NFAT5: variants seen among roughly 807,000 people sequenced by gnomAD.
NFAT5 encodes nuclear factor of activated T-cells 5.
Under a neutral mutation model 166.5 loss-of-function variants are expected in NFAT5, and 31 were observed. The ratio of observed to expected loss-of-function variants is 0.19; its 90% CI spans 0.14 to 0.25. The LOEUF (loss-of-function observed/expected upper bound fraction) is 0.25, where lower values mean the gene tolerates loss of function less well. Among genes scored for constraint, NFAT5 ranks in the 10% least tolerant of loss-of-function variants. The pLI is 1.00. For synonymous variants in NFAT5, 612 were observed against 639.7 expected, an observed-to-expected ratio of 0.96 and a Z score of 0.65; for missense variants, 1,449 against 1,821.8, an observed-to-expected ratio of 0.80 and a Z score of 3.72.
intron 10 of NFAT5, among the ~76,000 whole-genome samples, chr16:69,680,088 A>G (rs2036995162): frequency 6.6e-6 from 1 of 152,240 alleles, no homozygotes; most frequent in African/African-American, 2.4e-5. Context: ...AGTGTACTCC[A>G]GCCTGGGCGA....
In NFAT5 at chr16:69,670,270, T is replaced by C. The variant is rs745964993; in HGVS notation, c.1539T>C (p.Asp513=). Residue 513 remains aspartate (D), a synonymous_variant, in exon 9 of 15, where the codon GAT becomes GAC. Coordinates refer to ENST00000349945, the MANE Select transcript of NFAT5 (RefSeq NM_138713.4). ...ENSWKSEAEI[D]MELFHQNHLI... ...CTTGGAAGTCAGAAGCTGAAATTGATATGGAACTATTTCATCAGGTAAAAT... is the reference window on the plus strand; with the variant it reads ...CTTGGAAGTCAGAAGCTGAAATTGACATGGAACTATTTCATCAGGTAAAAT... 6.3e-7 allele frequency: 1 copy of C among 1,584,704 alleles called. No individual in the cohort carries two copies. Among genetic ancestry groups the C allele is most frequent in the Non-Finnish European group, 8.6e-7 (1 of 1,164,838 alleles).
rs987714446 is a variant in NFAT5 at position 69,702,598 on chromosome 16, A to T, written c.*6247A>T. ...ACCTGGGAACTAGTTAGAAATGTAAATTCTTTGGCCCCATCCCAGACATAC... is the reference window on the plus strand; with the variant it reads ...ACCTGGGAACTAGTTAGAAATGTAATTTCTTTGGCCCCATCCCAGACATAC... On this transcript the variant is annotated 3_prime_UTR_variant, in exon 15 of 15. Transcript: ENST00000349945. 1 of 152,270 alleles carries T rather than the reference A, an allele frequency of 6.6e-6. No homozygotes were observed. Among genetic ancestry groups the T allele is most frequent in the African/African-American group, 2.4e-5 (1 of 41,416 alleles). The allele number at this position is 152,270 out of a possible 1,614,324, so 9.4% of individuals were successfully genotyped here. A position where few individuals can be genotyped will look rare whatever the true frequency, so the allele number is the denominator to read the frequency against.
At position 69,695,965 on chromosome 16, in the gene NFAT5, T is replaced by C. The variant is rs1187348046; in HGVS notation, c.*9-395T>C. Among the ~76,000 whole-genome samples, 3 of 152,226 alleles carry C rather than the reference T, an allele frequency of 2.0e-5. No individual in the cohort carries two copies. In the South Asian group the frequency reaches 6.2e-4, roughly 32 times the overall value. On this transcript the variant is annotated intron_variant, in intron 14 of 14. Coordinates refer to ENST00000349945, the MANE Select transcript of NFAT5 (RefSeq NM_138713.4). ...GAAGTGAATTTCATGTTTGGACTTG[T>C]GTCTTATCCCCAAGATATCTCATTG...
At position 69,691,946 on chromosome 16, in the gene NFAT5, T is replaced by C. The variant is rs140247329; in HGVS notation, c.2121T>C (p.Phe707=). ...AGGACATCTCACAGCCTGGTACTTT[T>C]CCAGCAGTTTCTGCTTCTAGTCAGC... The part of the protein sequence containing the change: ...QTQDISQPGT[F]PAVSASSQLP... Residue 707 remains phenylalanine (F), a synonymous_variant, in exon 13 of 15, where the codon TTT becomes TTC. Transcript: ENST00000349945. 5.9e-4 allele frequency: 955 copies of C among 1,614,154 alleles called. No individual in the cohort carries two copies. The highest frequency in any genetic ancestry group is 5.7e-4 in the Non-Finnish European group (671 of 1,180,014).
Position 69,702,218 on chromosome 16 carries a change from T to C in NFAT5, c.*5867T>C, listed in dbSNP as rs2037909749. ...ATGCTGTATAGTGATGATTCCTTCC[T>C]AATGAATTCATCTTAACTATTTAGA... On this transcript the variant is annotated 3_prime_UTR_variant, in exon 15 of 15. Transcript: ENST00000349945. 1 of 152,680 alleles carries C rather than the reference T, an allele frequency of 6.5e-6. No individual in the cohort carries two copies. The highest frequency in any genetic ancestry group is 1.5e-5 in the Non-Finnish European group (1 of 68,044). The allele number at this position is 152,680 out of a possible 1,614,324, so 9.5% of individuals were successfully genotyped here. A position where few individuals can be genotyped will look rare whatever the true frequency, so the allele number is the denominator to read the frequency against.
chr16:69,632,317 C>G (rs533976500), intron 3 of NFAT5: 1 of 152,160 alleles, frequency 6.6e-6, no homozygotes, highest in African/African-American at 2.4e-5. Context: ...TGCATGTCAT[C>G]ATATCACAAT....
chr16:69,592,558 G>A (rs182088733), intron 2 of NFAT5, among the ~76,000 whole-genome samples: 44 of 152,250 alleles, frequency 2.9e-4, no homozygotes, highest in Middle Eastern at 6.8e-3. Flanking sequence ...TGACTAAAAT[G>A]TGTGCTTTAC....
intron 5 of NFAT5, among the ~76,000 whole-genome samples, chr16:69,653,796 T>C (rs962871291): frequency 2.0e-5 from 3 of 152,118 alleles, no homozygotes; most frequent in African/African-American, 7.2e-5. Flanking sequence ...GGTCTGGAAC[T>C]CCTGATCTCA....
At chr16:69,646,985 G>GA in intron 3 of NFAT5, 43 bp from the exon 4 acceptor site, 1 of 1,453,052 alleles carries the variant, frequency 6.9e-7, no homozygotes, top group Non-Finnish European at 9.2e-7. Context: ...CAGCATAGGT[G>GA]AAAACATGTA....
At chr16:69,601,537 T>A (rs944171579) in intron 2 of NFAT5, among the ~76,000 whole-genome samples, 1 of 152,112 alleles carries the variant, frequency 6.6e-6, no homozygotes, top group African/African-American at 2.4e-5. Context: ...TCGGCTAATA[T>A]TTTTTAAAAA....
rs1287018329 is a variant in NFAT5 at position 69,669,909 on chromosome 16, C to G, written c.1370-68C>G. ...GACAACTCATAGAACCGGATGATTG[C>G]AAGTTGATTTTAGGTAAGAAATAAG... On this transcript the variant is annotated intron_variant, in intron 7 of 14. Coordinates refer to ENST00000349945, the MANE Select transcript of NFAT5 (RefSeq NM_138713.4). 8 of 1,388,104 alleles carry G rather than the reference C, an allele frequency of 5.8e-6. No individual in the cohort carries two copies. In the South Asian group the frequency reaches 1.2e-4, roughly 21 times the overall value. 86.0% of individuals were successfully genotyped at this position (1,388,104 alleles called of 1,614,324 possible). A position where few individuals can be genotyped will look rare whatever the true frequency, so the allele number is the denominator to read the frequency against.
In NFAT5 at chr16:69,696,070, A is replaced by C. The variant is rs190148352; in HGVS notation, c.*9-290A>C. 3.6e-3 allele frequency among the ~76,000 whole-genome samples: 547 copies of C among 152,362 alleles called. 1 individual carries two copies. The highest frequency in any genetic ancestry group is 5.7e-3 in the Non-Finnish European group (390 of 68,032). On this transcript the variant is annotated intron_variant, in intron 14 of 14. Coordinates refer to ENST00000349945, the MANE Select transcript of NFAT5 (RefSeq NM_138713.4). ...CAAACATTTTAGATAAGGGATACTC[A>C]ACCTATATTGGACATTCCTTCTGCC... is the stretch of plus-strand genomic sequence containing the variant.
rs375297593 is a variant in NFAT5, at chr16:69,699,995, C to G, written c.*3644C>G. Reference sequence around the variant, plus strand: ...TGATTAAAGTATCATGTTATTTAGCCAATGCAAATCTGTTTTAAAACAAAT... The same window carrying G: ...TGATTAAAGTATCATGTTATTTAGCGAATGCAAATCTGTTTTAAAACAAAT... On this transcript the variant is annotated 3_prime_UTR_variant, in exon 15 of 15. Coordinates refer to ENST00000349945, the MANE Select transcript of NFAT5 (RefSeq NM_138713.4). The G allele has an allele frequency of 6.6e-6, 1 of 151,978 alleles. No homozygotes were observed. Among genetic ancestry groups the G allele is most frequent in the Non-Finnish European group, 1.5e-5 (1 of 68,000 alleles). The allele number at this position is 151,978 out of a possible 1,614,324, so 9.4% of individuals were successfully genotyped here.
At chr16:69,651,325 A>G (rs1193158317) in intron 4 of NFAT5, among the ~76,000 whole-genome samples, 2 of 152,204 alleles carry the variant, frequency 1.3e-5, no homozygotes, top group Non-Finnish European at 2.9e-5. Context: ...CTGAATTCCT[A>G]TGCTAGTTTC....
chr16:69,628,035 GTC>G (rs2034544669), intron 3 of NFAT5, among the ~76,000 whole-genome samples: 1 of 152,006 alleles, frequency 6.6e-6, no homozygotes, highest in Admixed American at 6.6e-5. Flanking sequence ...AGAACTAAAA[GTC>G]TGTTTCTTCT....
intron 7 of NFAT5, among the ~76,000 whole-genome samples, chr16:69,666,935 A>G (rs1235235664): frequency 3.3e-5 from 5 of 152,190 alleles, no homozygotes; most frequent in Admixed American, 6.5e-5. Flanking sequence ...ATGTCCAACA[A>G]TGATAGACTG....
At chr16:69,568,867 A>G (rs1022429820) in intron 2 of NFAT5, among the ~76,000 whole-genome samples, 2 of 152,236 alleles carry the variant, frequency 1.3e-5, no homozygotes, top group Non-Finnish European at 2.9e-5. Context: ...AAAAGGCCCA[A>G]ACATTAACAT....
chr16:69,645,984 A>G (rs990030887), intron 3 of NFAT5, among the ~76,000 whole-genome samples: 10 of 152,226 alleles, frequency 6.6e-5, no homozygotes, highest in Admixed American at 4.6e-4. Flanking sequence ...TAACAGATAA[A>G]TAGTTTTATA....
Position 69,692,202 on chromosome 16 carries a change from A to C in NFAT5, c.2377A>C (p.Ile793Leu). Residue 793 changes from isoleucine to leucine, a missense_variant, in exon 13 of 15, where the codon ATT becomes CTT. Transcript: ENST00000349945. ...TAGTGTGAGTCAGCTTCAGAATACTATTCAGCAGCTGCAAGCAGGGAGTTT... is the reference window on the plus strand; with the variant it reads ...TAGTGTGAGTCAGCTTCAGAATACTCTTCAGCAGCTGCAAGCAGGGAGTTT... ...PNSVSQLQNT[I>L]QQLQAGSFTG... The C allele has an allele frequency of 6.2e-7, 1 of 1,614,232 alleles. No individual in the cohort carries two copies.
Sources: gnomAD v4.1 joint callset for allele counts (sites outside exome capture counted in the v4.1 genomes callset) on GRCh38, gnomAD v4.1.1 for gene constraint, MANE v1.5 for transcripts, NCBI Gene and HGNC (gene_info 2026-07-23, HGNC 2026-07-21) for gene names.